Variants in CTU2 observed in about 807,000 individuals in gnomAD.
CTU2 encodes the protein cytosolic thiouridylase subunit 2.
A neutral mutation model predicts 64.1 loss-of-function variants in CTU2; 80 were observed. That is an observed-to-expected ratio of 1.25 (90% confidence interval 1.04 to 1.50). The LOEUF (loss-of-function observed/expected upper bound fraction) is 1.50, where lower values mean the gene tolerates loss of function less well. Ranked by LOEUF, CTU2 falls within the 40% of genes most tolerant of loss-of-function variation. CTU2 has a pLI of 0.00. For synonymous variants in CTU2, 482 were observed against 285.3 expected (o/e 1.69, Z -6.95); for missense variants, 1,110 against 690.2 (o/e 1.61, Z -6.81).
At chr16:88,711,721 G>A (rs376318679) in intron 5 of CTU2, 26 bp downstream of exon 5, 1 of 1,597,660 alleles carries the variant, frequency 6.3e-7, no homozygotes, top group Non-Finnish European at 8.6e-7. Flanking sequence ...GCTCCTCCTA[G>A]TCCCTGGCCA....
chr16:88,715,070 C>A lies in CTU2; in HGVS notation c.1442C>A (p.Pro481Gln). Residue 481 changes from proline (P) to glutamine (Q), a missense_variant, in exon 14 of 15, where the codon CCG (proline) becomes CAG (glutamine). By Grantham distance (76) the Pro-to-Gln change is moderately conservative. Transcript: ENST00000453996. ...KDLPSLDPLPPYILAEAQLRT... is the reference protein window; with the variant it reads ...KDLPSLDPLPQYILAEAQLRT... ...CAGCCCTCACTGGACCCCCTGCCGC[C>A]GTACATCCTGGCTGAGGCCCAGCTC... The A allele has an allele frequency of 1.3e-6, 2 of 1,573,750 alleles. No homozygotes were observed. Among genetic ancestry groups the A allele is most frequent in the Non-Finnish European group, 8.6e-7 (1 of 1,158,492 alleles).
rs528558817 is a variant in CTU2, at chr16:88,712,855, C to A, written c.687C>A (p.Phe229Leu). The A allele has an allele frequency of 3.2e-6, 5 of 1,572,908 alleles. No homozygotes were observed. Among genetic ancestry groups the A allele is most frequent in the African/African-American group, 1.4e-5 (1 of 73,786 alleles). Residue 229 changes from phenylalanine to leucine, a missense_variant, in exon 7 of 15, where the codon TTC (phenylalanine) becomes TTA (leucine). By Grantham distance (22) the Phe-to-Leu change is conservative (BLOSUM62 0). Coordinates refer to ENST00000453996, the MANE Select transcript of CTU2 (RefSeq NM_001012759.3). ...AGACTGAGGCTCTTTCCCAACTGTT[C>A]TGCTCAGTGAGGACACTGACTGCCA... ...PAQTEALSQL[F>L]CSVRTLTAKE...
chr16:88,707,234 C>G, intron 2 of CTU2, 24 bp downstream of exon 2: 1 of 1,609,614 alleles, frequency 6.2e-7, no homozygotes, highest in Non-Finnish European at 8.5e-7. Context: ...GTGGCTGAGA[C>G]CCTGGCAAAC....
At chr16:88,708,651 AG>A in intron 2 of CTU2, among the ~76,000 whole-genome samples, 1 of 152,262 alleles carries the variant, frequency 6.6e-6, no homozygotes, top group East Asian at 1.9e-4. Context: ...CTGTCTGTAA[AG>A]GAACCACAGG....
At chr16:88,712,938 C>T (rs1235100928) in intron 7 of CTU2, 33 bp downstream of exon 7, 1 of 1,156,856 alleles carries the variant, frequency 8.6e-7, no homozygotes, top group Non-Finnish European at 1.1e-6. Flanking sequence ...TCCCCGGGCC[C>T]TGACCCCCAC....
intron 1 of CTU2, 130 bp from the exon 2 acceptor site, chr16:88,707,006 G>T (rs57958330): frequency 0.11 from 85,664 of 813,320 alleles, 5,015 homozygotes; most frequent in African/African-American, 0.17. Context: ...GCCTGGGTTT[G>T]TGTGTGTACC....
intron 3 of CTU2, 56 bp downstream of exon 3, chr16:88,710,072 C>T: frequency 2.5e-6 from 4 of 1,595,650 alleles, no homozygotes; most frequent in Non-Finnish European, 2.6e-6. Flanking sequence ...GAGGTCCCTG[C>T]TTGTCCCTCC....
chr16:88,711,929 A>G (rs1490142381), intron 5 of CTU2: 2 of 603,688 alleles, frequency 3.3e-6, no homozygotes, highest in African/African-American at 1.9e-5. Context: ...ACATCCTTAG[A>G]AAGTCGGGGG....
rs1258056036 is a variant in CTU2 at position 88,715,058 on chromosome 16, A to AC, written c.1435dup (p.Leu479ProfsTer8). 18 of 1,571,234 alleles carry AC rather than the reference A, an allele frequency of 1.1e-5. No homozygotes were observed. Among genetic ancestry groups the AC allele is most frequent in the East Asian group, 2.3e-5 (1 of 44,264 alleles). On this transcript the variant is annotated frameshift_variant, in exon 14 of 15. Transcript: ENST00000453996. LOFTEE classifies it low-confidence loss of function (END_TRUNC). Reference sequence around the variant, plus strand: ...CGGCCTCTGTTGCAGCCCTCACTGGACCCCCTGCCGCCGTACATCCTGGCT... The same window carrying AC: ...CGGCCTCTGTTGCAGCCCTCACTGGACCCCCCTGCCGCCGTACATCCTGGCT...
At chr16:88,708,333 T>G (rs1287614907) in intron 2 of CTU2, among the ~76,000 whole-genome samples, 1 of 152,158 alleles carries the variant, frequency 6.6e-6, no homozygotes, top group Non-Finnish European at 1.5e-5. Context: ...CCAGGGATCA[T>G]TCAGGTCAGC....
At position 88,714,901 on chromosome 16, in the gene CTU2, G is replaced by A. The variant is rs1911798583; in HGVS notation, c.1394G>A (p.Ser465Asn). ...TGCATTGAGGAGCAGCTGTGCTACA[G>A]CTGCCGCGTGAACATGAAGGACTTG... is the stretch of plus-strand genomic sequence containing the variant. ...QACIEEQLCYSCRVNMKDLPS... is the reference protein window; with the variant it reads ...QACIEEQLCYNCRVNMKDLPS... The change falls in exon 13 of 15, where the codon AGC (serine) becomes AAC (asparagine). Residue 465 changes from serine (S) to asparagine (N), a missense_variant. Ser to Asn is a conservative substitution (Grantham distance 46, BLOSUM62 1). Coordinates refer to ENST00000453996, the MANE Select transcript of CTU2 (RefSeq NM_001012759.3). 1.2e-6 allele frequency: 2 copies of A among 1,612,550 alleles called. No individual in the cohort carries two copies. The highest frequency in any genetic ancestry group is 2.2e-5 in the East Asian group (1 of 44,902).
Position 88,715,384 on chromosome 16 carries a change from A to T in CTU2, c.*133A>T. On this transcript the variant is annotated 3_prime_UTR_variant, in exon 15 of 15. Transcript: ENST00000453996. ...ATAAAACATTTTTTAATTAAAAAAA[A>T]AACTCTACAGTACACGTGGGGGACG... 1 of 1,109,408 alleles carries T rather than the reference A, an allele frequency of 9.0e-7. No homozygotes were observed. 68.7% of individuals were successfully genotyped at this position (1,109,408 alleles called of 1,614,324 possible).
rs757783922 is a variant in CTU2 at position 88,712,651 on chromosome 16, G to C, written c.483G>C (p.Trp161Cys). Reference sequence around the variant, plus strand: ...TCAGCCTGCCACCGTCGGTGCTTTGGTGCTCTGCCCAGGAGCTGGTGGGAT... The same window carrying C: ...TCAGCCTGCCACCGTCGGTGCTTTGCTGCTCTGCCCAGGAGCTGGTGGGAT... ...EVFSLPPSVL[W>C]CSAQELVGSE... Residue 161 changes from tryptophan (W) to cysteine (C), a missense_variant, in exon 7 of 15, where the codon TGG becomes TGC. Transcript: ENST00000453996. The C allele has an allele frequency of 1.1e-5, 17 of 1,610,544 alleles. No homozygotes were observed. In the Admixed American group the frequency reaches 2.7e-4, roughly 25 times the overall value.
In CTU2 at chr16:88,707,141, A is replaced by C. The variant is rs199768298; in HGVS notation, c.74A>C (p.Glu25Ala). The C allele has an allele frequency of 3.5e-4, 561 of 1,613,830 alleles. 1 individual carries two copies. Among genetic ancestry groups the C allele is most frequent in the Non-Finnish European group, 4.2e-5 (50 of 1,179,918 alleles). Residue 25 changes from glutamate (E) to alanine (A), a missense_variant, in exon 2 of 15, where the codon GAG becomes GCG. Physicochemically the swap from Glu to Ala is moderately radical, Grantham distance 107. Transcript: ENST00000453996. ...EPPPAPRPSR[E>A]QKCVKCKEAQ... ...CCCCCCTCCCATCTCCAAAGCCGTG[A>C]GCAGAAGTGTGTGAAGTGCAAGGAA...
Position 88,714,417 on chromosome 16 carries a change from G to A in CTU2, c.1132G>A (p.Gly378Ser). The A allele has an allele frequency of 6.2e-7, 1 of 1,612,528 alleles. No homozygotes were observed. The highest frequency in any genetic ancestry group is 8.5e-7 in the Non-Finnish European group (1 of 1,179,832). Residue 378 changes from glycine to serine, a missense_variant, in exon 11 of 15, where the codon GGC becomes AGC. By Grantham distance (56) the Gly-to-Ser change is moderately conservative (BLOSUM62 0). Coordinates refer to ENST00000453996, the MANE Select transcript of CTU2 (RefSeq NM_001012759.3). ...SEKLVKGPRD[G>S]PAAGDSGPRC... ...GAAGCTGGTGAAGGGCCCCCGGGAT[G>A]GCCCTGCTGCTGGCGACTCCGGCCC...
At position 88,712,738 on chromosome 16, in the gene CTU2, C is replaced by A. The variant is rs144841340; in HGVS notation, c.570C>A (p.Ala190=). 6.2e-7 allele frequency: 1 copy of A among 1,608,622 alleles called. No individual in the cohort carries two copies. Among genetic ancestry groups the A allele is most frequent in the African/African-American group, 1.3e-5 (1 of 74,776 alleles). ...SFLQQQHVLG[A]GGGPGPTQGE... is the part of the protein sequence containing the mutation. ...TCCAGCAGCAGCATGTGCTGGGGGC[C>A]GGGGGTGGTCCTGGCCCGACTCAAG... is the stretch of plus-strand genomic sequence containing the variant. Residue 190 remains alanine (A), a synonymous_variant, in exon 7 of 15, where the codon GCC becomes GCA. Coordinates refer to ENST00000453996, the MANE Select transcript of CTU2 (RefSeq NM_001012759.3).
rs746018731 is a variant in CTU2, at chr16:88,714,870, C to T, written c.1363C>T (p.Gln455Ter). ...GCTCTGCTCCCGCAGGGAGGACCCC[C>T]AAGCCTGCATTGAGGAGCAGCTGTG... ...GQGACRREDP[Q>*]ACIEEQLCYS... Residue 455 changes from glutamine to a stop codon, truncating the protein, a stop_gained, in exon 13 of 15, where the codon CAA becomes TAA. Transcript: ENST00000453996. LOFTEE classifies it high-confidence loss of function. 6 of 1,612,528 alleles carry T rather than the reference C, an allele frequency of 3.7e-6. No homozygotes were observed. The highest frequency in any genetic ancestry group is 5.1e-6 in the Non-Finnish European group (6 of 1,179,900).
chr16:88,713,604 A>T (rs766712292), intron 8 of CTU2, 43 bp from the exon 9 acceptor site: 35 of 1,595,796 alleles, frequency 2.2e-5, no homozygotes, highest in Non-Finnish European at 2.7e-5. Context: ...GGGCAAGCAC[A>T]TTCGGGCCTT....
At chr16:88,712,568 G>C in intron 6 of CTU2, 54 bp from the exon 7 acceptor site, 7 of 1,580,064 alleles carry the variant, frequency 4.4e-6, no homozygotes, top group African/African-American at 1.3e-5. Context: ...GGCTGTCTGT[G>C]GGGGGCACCT....
Sources: allele counts gnomAD v4.1 joint callset (sites outside exome capture counted in the v4.1 genomes callset), GRCh38; gene constraint gnomAD v4.1.1; transcripts MANE v1.5; gene names NCBI Gene and HGNC (gene_info 2026-07-23, HGNC 2026-07-21).